The following FBXL17 variants were observed in gnomAD, a reference collection of about 807,000 sequenced individuals.
FBXL17 encodes F-box and leucine rich repeat protein 17, also known as F-box/LRR-repeat protein 17.
In FBXL17, 22 loss-of-function variants were observed where a neutral mutation model predicts 66.2. That is an observed-to-expected ratio of 0.33 (90% CI 0.24 to 0.47). The LOEUF (loss-of-function observed/expected upper bound fraction) is 0.47, where lower values mean the gene tolerates loss of function less well. Among genes scored for constraint, FBXL17 ranks in the 20% least tolerant of loss-of-function variants. The probability of loss-of-function intolerance (pLI) is 1.00; values close to 1 mark genes in which losing one functional copy is unlikely to be tolerated. For missense variants in FBXL17, 878 were observed against 948.2 expected (o/e 0.93, Z 0.97); for synonymous variants, 474 against 400.5 (o/e 1.18, Z -2.19).
At chr5:107,941,387 CT>C (rs1392031117) in intron 7 of FBXL17, among the ~76,000 whole-genome samples, 1 of 152,188 alleles carries the variant, frequency 6.6e-6, no homozygotes, top group African/African-American at 2.4e-5. Context: ...CTGACCTCTG[CT>C]GTGACAAGTG....
intron 7 of FBXL17, among the ~76,000 whole-genome samples, chr5:107,975,113 G>A (rs903088475): frequency 1.3e-5 from 2 of 152,092 alleles, no homozygotes; most frequent in African/African-American, 4.8e-5. Flanking sequence ...CTTAAAATAT[G>A]TTATTTTATA....
At chr5:108,314,057 C>A (rs1759243163) in intron 4 of FBXL17, among the ~76,000 whole-genome samples, 1 of 151,682 alleles carries the variant, frequency 6.6e-6, no homozygotes, top group African/African-American at 2.4e-5. Context: ...AATAGGAGTT[C>A]TTTGTGCTAT....
intron 7 of FBXL17, among the ~76,000 whole-genome samples, chr5:107,900,935 G>A (rs1172740078): frequency 1.3e-5 from 2 of 152,080 alleles, no homozygotes; most frequent in Non-Finnish European, 2.9e-5. Flanking sequence ...TTACATTTCA[G>A]GGGATTAGAG....
At chr5:108,135,193 C>T (rs993097576) in intron 6 of FBXL17, among the ~76,000 whole-genome samples, 42 of 152,154 alleles carry the variant, frequency 2.8e-4, no homozygotes, top group African/African-American at 9.4e-4. Flanking sequence ...TTTTATAAGT[C>T]ATCTGTTTAC....
chr5:108,231,403 A>G (rs1008951776), intron 4 of FBXL17, among the ~76,000 whole-genome samples: 2 of 152,148 alleles, frequency 1.3e-5, no homozygotes, highest in African/African-American at 4.8e-5. Context: ...GAAACTTCAC[A>G]TAAATAGAAT....
chr5:107,875,031 A>G (rs1243814388), intron 8 of FBXL17, among the ~76,000 whole-genome samples: 2 of 152,036 alleles, frequency 1.3e-5, no homozygotes, highest in East Asian at 3.9e-4. Flanking sequence ...GTCACCCACA[A>G]CAGAGGACTG....
At chr5:108,024,928 G>T (rs1754741990) in intron 6 of FBXL17, among the ~76,000 whole-genome samples, 1 of 152,044 alleles carries the variant, frequency 6.6e-6, no homozygotes, top group South Asian at 2.1e-4. Flanking sequence ...GTAATCATAT[G>T]ATTTATGTGA....
At chr5:108,147,981 A>G (rs1751624879) in intron 6 of FBXL17, among the ~76,000 whole-genome samples, 2 of 152,092 alleles carry the variant, frequency 1.3e-5, no homozygotes, top group African/African-American at 4.8e-5. Context: ...AAACAATAAT[A>G]TAGGCAAAGG....
chr5:108,368,365 T>C (rs112172780), intron 1 of FBXL17, among the ~76,000 whole-genome samples: 201 of 152,138 alleles, frequency 1.3e-3, no homozygotes, highest in African/African-American at 4.8e-3. Context: ...CAGTTTGACC[T>C]TGGAGCCACG....
chr5:108,304,781 G>A (rs913266153), intron 4 of FBXL17, among the ~76,000 whole-genome samples: 2 of 151,734 alleles, frequency 1.3e-5, no homozygotes, highest in Admixed American at 6.6e-5. Context: ...TTCCTTTTCT[G>A]TTACCTCATA....
rs946359175 is a variant in FBXL17, at chr5:108,029,145, G to T, written c.1746-8144C>A. Among the ~76,000 whole-genome samples the T allele has an allele frequency of 3.9e-5, 6 of 152,034 alleles. No individual in the cohort carries two copies. The East Asian group carries it at 1.2e-3, about 29-fold the overall frequency. ...AAACTAATAAAAAAATTTTACAGGA[G>T]ATTTTACATAGAGATTATACAAAAC... On this transcript the variant is annotated intron_variant, in intron 6 of 8. Transcript: ENST00000542267.
At chr5:108,310,088 G>T (rs1759045750) in intron 4 of FBXL17, among the ~76,000 whole-genome samples, 1 of 152,022 alleles carries the variant, frequency 6.6e-6, no homozygotes, top group Non-Finnish European at 1.5e-5. Flanking sequence ...TACATTAAGA[G>T]CTTTCTTTAA....
chr5:107,883,911 G>C (rs1748877482), intron 7 of FBXL17, among the ~76,000 whole-genome samples: 1 of 152,178 alleles, frequency 6.6e-6, no homozygotes, highest in South Asian at 2.1e-4. Flanking sequence ...AAACAAAGGA[G>C]CAAGGATAGG....
chr5:108,188,265 T>C (rs928626078), intron 5 of FBXL17, among the ~76,000 whole-genome samples: 59 of 152,166 alleles, frequency 3.9e-4, no homozygotes, highest in African/African-American at 1.3e-3. Context: ...ACTATGGAGA[T>C]AAATAGAGAT....
chr5:108,270,424 T>C (rs1018971954), intron 4 of FBXL17, among the ~76,000 whole-genome samples: 8 of 135,584 alleles, frequency 5.9e-5, no homozygotes, highest in African/African-American at 2.0e-4. Flanking sequence ...GAATCATATT[T>C]TAATTATATT....
chr5:107,934,236 T>A (rs780244465), intron 7 of FBXL17, among the ~76,000 whole-genome samples: 1 of 152,178 alleles, frequency 6.6e-6, no homozygotes, highest in Non-Finnish European at 1.5e-5. Context: ...CAAAATTCTA[T>A]CTCAAAAATG....
chr5:108,131,716 A>G (rs1750938733), intron 6 of FBXL17, among the ~76,000 whole-genome samples: 1 of 152,156 alleles, frequency 6.6e-6, no homozygotes, highest in Non-Finnish European at 1.5e-5. Context: ...TATTTGTTAT[A>G]ATTATGAATG....
intron 1 of FBXL17, among the ~76,000 whole-genome samples, chr5:108,372,233 G>A (rs1749089574): frequency 6.6e-6 from 1 of 152,112 alleles, no homozygotes; most frequent in Non-Finnish European, 1.5e-5. Flanking sequence ...CAAACCTAAA[G>A]ATAGGTAAAT....
At chr5:108,346,481 T>C (rs973198545) in intron 4 of FBXL17, among the ~76,000 whole-genome samples, 1 of 152,104 alleles carries the variant, frequency 6.6e-6, no homozygotes, top group Admixed American at 6.5e-5. Flanking sequence ...TGGCTAAAAA[T>C]TGTTTGATTG....
Sources: allele counts gnomAD v4.1 joint callset (sites outside exome capture counted in the v4.1 genomes callset), GRCh38; gene constraint gnomAD v4.1.1; transcripts MANE v1.5; gene names NCBI Gene and HGNC (gene_info 2026-07-23, HGNC 2026-07-21).